The following SAMD12 variants were observed in gnomAD, a reference collection of about 807,000 sequenced individuals.
SAMD12 encodes the protein sterile alpha motif domain containing 12.
Under a neutral mutation model 15.0 loss-of-function variants are expected in SAMD12, and 9 were observed. The observed-to-expected ratio is 0.60, with a 90% confidence interval of 0.36 to 1.05. The LOEUF is 1.05. Among genes scored for constraint, SAMD12 ranks in the 50% least tolerant of loss-of-function variants. The pLI is 0.01. For synonymous variants in SAMD12, 86 were observed against 90.1 expected, an observed-to-expected ratio of 0.96 and a Z score of 0.25; for missense variants, 230 against 234.2, an observed-to-expected ratio of 0.98 and a Z score of 0.12.
intron 4 of SAMD12, among the ~76,000 whole-genome samples, chr8:118,339,418 A>G (rs1456423347): frequency 3.3e-5 from 5 of 152,224 alleles, no homozygotes; most frequent in East Asian, 3.8e-4. Flanking sequence ...TATAGAAAGA[A>G]AAAAGACAAT....
In SAMD12 at chr8:118,431,687, C is replaced by CGTGTGTGT. The variant is rs56898456; in HGVS notation, c.322+8137_322+8144dup. Among the ~76,000 whole-genome samples, 121 of 147,446 alleles carry CGTGTGTGT rather than the reference C, an allele frequency of 8.2e-4. No homozygotes were observed. The East Asian group carries it at 0.011, about 13-fold the overall frequency. On this transcript the variant is annotated intron_variant, in intron 3 of 3. Coordinates refer to ENST00000314727, the MANE Select transcript of SAMD12 (RefSeq NM_207506.3). ...ACTCCTTTCAAAATTTTACCTTTGT[C>CGTGTGTGT]GTGTGTGTGTGTGTGTGTGTGTGTG...
At chr8:118,514,725 CA>C (rs1563903752) in intron 2 of SAMD12, among the ~76,000 whole-genome samples, 1 of 152,134 alleles carries the variant, frequency 6.6e-6, no homozygotes, top group African/African-American at 2.4e-5. Flanking sequence ...TGGTTAATAA[CA>C]AAGATTAAGA....
At chr8:118,571,098 G>A (rs764584581) in intron 2 of SAMD12, among the ~76,000 whole-genome samples, 1 of 152,108 alleles carries the variant, frequency 6.6e-6, no homozygotes, top group Non-Finnish European at 1.5e-5. Context: ...ACAATAAACT[G>A]TATTGTATAA....
chr8:118,292,930 C>T (rs1045402994), intron 4 of SAMD12, among the ~76,000 whole-genome samples: 12 of 150,292 alleles, frequency 8.0e-5, no homozygotes, highest in Admixed American at 2.6e-4. Flanking sequence ...AGGGATAGCA[C>T]TGGGAGATAT....
At chr8:118,471,466 C>T (rs1477413897) in intron 2 of SAMD12, among the ~76,000 whole-genome samples, 1 of 152,080 alleles carries the variant, frequency 6.6e-6, no homozygotes, top group Non-Finnish European at 1.5e-5. Context: ...ATAACGCCAT[C>T]GAAATGTTTG....
intron 4 of SAMD12, among the ~76,000 whole-genome samples, chr8:118,354,889 G>A (rs1177623068): frequency 6.6e-6 from 1 of 152,212 alleles, no homozygotes; most frequent in African/African-American, 2.4e-5. Context: ...TTGGCACCCA[G>A]CAGGTACTTA....
At chr8:118,230,298 G>A (rs144403585) in intron 4 of SAMD12, among the ~76,000 whole-genome samples, 3 of 152,306 alleles carry the variant, frequency 2.0e-5, no homozygotes, top group African/African-American at 7.2e-5. Context: ...TGCCCAAGGT[G>A]TAGAGCTAAT....
intron 2 of SAMD12, among the ~76,000 whole-genome samples, chr8:118,484,560 G>A (rs1824224782): frequency 6.6e-6 from 1 of 152,104 alleles, no homozygotes. Context: ...AACTCATCAA[G>A]TTGTACACAT....
intron 4 of SAMD12, among the ~76,000 whole-genome samples, chr8:118,206,728 A>G (rs1457717856): frequency 6.6e-6 from 1 of 152,220 alleles, no homozygotes; most frequent in African/African-American, 2.4e-5. Context: ...GCTTGGTAAA[A>G]TGCTGTTTTC....
chr8:118,561,519 C>T (rs928648559), intron 2 of SAMD12, among the ~76,000 whole-genome samples: 2 of 152,142 alleles, frequency 1.3e-5, no homozygotes, highest in Non-Finnish European at 2.9e-5. Flanking sequence ...CCTCAGGAAA[C>T]TTACAATCAT....
intron 2 of SAMD12, among the ~76,000 whole-genome samples, chr8:118,487,058 C>A (rs1483451511): frequency 6.6e-6 from 1 of 152,076 alleles, no homozygotes; most frequent in Non-Finnish European, 1.5e-5. Flanking sequence ...CATGGTCTTA[C>A]CAGGGTCCAA....
chr8:118,573,637 T>A (rs1372927174), intron 2 of SAMD12, among the ~76,000 whole-genome samples: 1 of 152,184 alleles, frequency 6.6e-6, no homozygotes, highest in Non-Finnish European at 1.5e-5. Flanking sequence ...TTTGGAAGTA[T>A]CCCTTGTCCA....
chr8:118,465,861 C>G (rs73313487), intron 2 of SAMD12, among the ~76,000 whole-genome samples: 4,170 of 152,116 alleles, frequency 0.027, 174 homozygotes, highest in African/African-American at 0.08. Flanking sequence ...CTGGGGATAC[C>G]TTAGGGAGCT....
At chr8:118,477,185 C>T (rs1563883957) in intron 2 of SAMD12, among the ~76,000 whole-genome samples, 1 of 152,012 alleles carries the variant, frequency 6.6e-6, no homozygotes, top group African/African-American at 2.4e-5. Flanking sequence ...CATGCCTCAG[C>T]CTCCTGAGTA....
At chr8:118,304,898 C>T (rs1056324949) in intron 4 of SAMD12, among the ~76,000 whole-genome samples, 4 of 151,410 alleles carry the variant, frequency 2.6e-5, no homozygotes, top group African/African-American at 9.7e-5. Flanking sequence ...CCTGTAATCC[C>T]AGCACTTTGG....
chr8:118,302,078 G>GTTTTTTTTTTTTTTT lies in SAMD12; in HGVS notation c.433+77467_433+77481dup, dbSNP rs58076997. On this transcript the variant is annotated intron_variant, in intron 4 of 4. Coordinates refer to the SAMD12 transcript ENST00000409003. ...ATTTTCTAGCGCCAGATCTTTGAGA[G>GTTTTTTTTTTTTTTT]TTTTTTTTTTTTTTTTTTTTTTTTT... Among the ~76,000 whole-genome samples the GTTTTTTTTTTTTTTT allele has an allele frequency of 1.1e-3, 80 of 74,686 alleles. 10 individuals carry two copies. The highest frequency in any genetic ancestry group is 5.2e-3 in the African/African-American group (75 of 14,292). The allele number at this position is 74,686 out of a possible 152,430, so 49.0% of individuals were successfully genotyped here.
intron 2 of SAMD12, among the ~76,000 whole-genome samples, chr8:118,472,597 C>T (rs1393412709): frequency 1.3e-5 from 2 of 152,008 alleles, no homozygotes; most frequent in Non-Finnish European, 2.9e-5. Flanking sequence ...ATCCCTTTAC[C>T]CCAGGAGTTT....
At chr8:118,546,558 T>C (rs1392020756) in intron 2 of SAMD12, among the ~76,000 whole-genome samples, 1 of 152,152 alleles carries the variant, frequency 6.6e-6, no homozygotes, top group Non-Finnish European at 1.5e-5. Context: ...TAAAATACTT[T>C]AAATTTAAAT....
At chr8:118,179,615 G>A in the SAMD12 span, among the ~76,000 whole-genome samples, 3 of 151,960 alleles carry the variant, frequency 2.0e-5, no homozygotes, top group East Asian at 5.8e-4. Flanking sequence ...TTTCCTCCTG[G>A]CCTCAGGTTT....
Sources: gnomAD v4.1 joint callset for allele counts (sites outside exome capture counted in the v4.1 genomes callset) on GRCh38, gnomAD v4.1.1 for gene constraint, MANE v1.5 for transcripts, NCBI Gene and HGNC (gene_info 2026-07-23, HGNC 2026-07-21) for gene names.